The following ATP11C variants were observed in gnomAD, a reference collection of about 807,000 sequenced individuals.
ATP11C encodes phospholipid-transporting ATPase IG.
ATP11C carries 36 observed loss-of-function variants against 97.4 expected under a neutral mutation model. The ratio of observed to expected loss-of-function variants is 0.37; its 90% CI spans 0.28 to 0.49. ATP11C has a LOEUF of 0.49. Among genes scored for constraint, ATP11C ranks in the 20% least tolerant of loss-of-function variants. The pLI is 0.98. For synonymous variants in ATP11C, 275 were observed against 290.9 expected (o/e 0.95, Z 0.56); for missense variants, 730 against 824.6 (o/e 0.89, Z 1.40).
chrX:139,931,978 C>T, intron 1 of ATP11C, 38 bp downstream of exon 1: 1 of 1,150,373 alleles, frequency 8.7e-7, no homozygotes, highest in South Asian at 2.0e-5. Flanking sequence ...GGCGAGCAAG[C>T]AAACCGGCAC....
chrX:139,825,138 A>G (rs1157123298), intron 2 of ATP11C, among the ~76,000 whole-genome samples: 2 of 111,221 alleles, frequency 1.8e-5, no homozygotes, highest in South Asian at 3.8e-4. Flanking sequence ...CACAAATAAC[A>G]ATAGCAGCTA....
At chrX:139,897,930 T>C (rs1389273094) in intron 1 of ATP11C, among the ~76,000 whole-genome samples, 2 of 99,795 alleles carry the variant, frequency 2.0e-5, no homozygotes, top group African/African-American at 7.3e-5. Context: ...AAACCCTGTG[T>C]CAAAAAAAAA....
intron 2 of ATP11C, among the ~76,000 whole-genome samples, chrX:139,823,335 AGTT>A (rs1336167734): frequency 8.9e-6 from 1 of 112,721 alleles, no homozygotes; most frequent in East Asian, 2.8e-4. Flanking sequence ...TATGTGAAAA[AGTT>A]GTGGGTCACT....
chrX:139,781,793 G>A (rs2082464112), intron 18 of ATP11C, among the ~76,000 whole-genome samples: 1 of 111,619 alleles, frequency 9.0e-6, no homozygotes, highest in African/African-American at 3.3e-5. Context: ...TGTTGAACCA[G>A]GTTAGATTAA....
At chrX:139,805,788 G>A (rs997062717) in intron 5 of ATP11C, among the ~76,000 whole-genome samples, 6 of 111,725 alleles carry the variant, frequency 5.4e-5, no homozygotes, top group East Asian at 2.8e-4. Context: ...AATATGATTC[G>A]GCAGATAAAG....
At position 139,731,706 on chromosome X, in the gene ATP11C, G is replaced by A; in HGVS notation, c.3338C>T (p.Ser1113Leu). ...TGTTCGTAAAAGAAGAGGTCTGACT[G>A]AAGGTCTGGCGGATAATGAGTCAGA... ...RASDSLSARP[S>L]VRPLLLRTFS... is the part of the protein sequence containing the mutation. The change falls in exon 29 of 30, where the codon TCA (serine) becomes TTA (leucine). Residue 1113 changes from serine to leucine, a missense_variant. Transcript: ENST00000682941. 1 of 1,197,552 alleles carries A rather than the reference G, an allele frequency of 8.4e-7. No individual in the cohort carries two copies. The highest frequency in any genetic ancestry group is 1.1e-6 in the Non-Finnish European group (1 of 886,400).
chrX:139,804,654 C>T (rs1315530968), intron 5 of ATP11C, 55 bp from the exon 6 acceptor site: 2 of 1,013,353 alleles, frequency 2.0e-6, no homozygotes, highest in African/African-American at 3.8e-5. Flanking sequence ...GCATTCATTA[C>T]ACTCATACAA....
chrX:139,827,785 A>G (rs1247396620), intron 1 of ATP11C, among the ~76,000 whole-genome samples: 1 of 111,594 alleles, frequency 9.0e-6, no homozygotes, highest in Non-Finnish European at 1.9e-5. Context: ...TGATCTATTT[A>G]AAGGTCAAAG....
At chrX:139,757,710 T>G (rs2081964679) in intron 23 of ATP11C, 98 bp downstream of exon 23, 2 of 529,824 alleles carry the variant, frequency 3.8e-6, no homozygotes, top group Non-Finnish European at 5.7e-6. Context: ...CATTTTACTT[T>G]GTACATACAT....
At chrX:139,799,917 G>A in intron 8 of ATP11C, 143 bp downstream of exon 8, 1 of 506,936 alleles carries the variant, frequency 2.0e-6, no homozygotes, top group Non-Finnish European at 3.3e-6. Flanking sequence ...CTCCCAAAGT[G>A]CTGGGATTAC....
chrX:139,795,091 T>C (rs1002024214), intron 12 of ATP11C, among the ~76,000 whole-genome samples: 18 of 112,203 alleles, frequency 1.6e-4, no homozygotes, highest in African/African-American at 5.8e-4. Flanking sequence ...TGAAAACTTC[T>C]GGCCTAAAAG....
Position 139,919,542 on chromosome X carries a change from C to T in ATP11C, c.27+12474G>A, listed in dbSNP as rs183091457. On this transcript the variant is annotated intron_variant, in intron 1 of 29. Coordinates refer to ENST00000682941, the MANE Select transcript of ATP11C (RefSeq NM_001353812.2). ...AACTGAAGAAAGCAGTTTGGTAGTTCCTGAAAAGTTTAAACATACAATTAC... is the reference window on the plus strand; with the variant it reads ...AACTGAAGAAAGCAGTTTGGTAGTTTCTGAAAAGTTTAAACATACAATTAC... Among the ~76,000 whole-genome samples, 607 of 109,300 alleles carry T rather than the reference C, an allele frequency of 5.6e-3. 11 individuals carry two copies. Among genetic ancestry groups the T allele is most frequent in the African/African-American group, 0.019 (558 of 29,941 alleles). The allele number at this position is 109,300 out of a possible 115,157, so 94.9% of individuals were successfully genotyped here.
At chrX:139,892,769 G>A (rs1162298699) in intron 1 of ATP11C, among the ~76,000 whole-genome samples, 2 of 111,360 alleles carry the variant, frequency 1.8e-5, no homozygotes, top group Admixed American at 1.9e-4. Flanking sequence ...AGCAGTCTGA[G>A]GTTCCCAAAA....
chrX:139,784,526 C>CCA (rs2082532770), intron 16 of ATP11C, among the ~76,000 whole-genome samples: 1 of 111,045 alleles, frequency 9.0e-6, no homozygotes, highest in African/African-American at 3.3e-5. Context: ...CCTCGGCACA[C>CCA]CACACACACA....
At chrX:139,822,463 G>C (rs2083433542) in intron 2 of ATP11C, among the ~76,000 whole-genome samples, 1 of 111,082 alleles carries the variant, frequency 9.0e-6, no homozygotes, top group Non-Finnish European at 1.9e-5. Context: ...ACCCAAGCTA[G>C]AGTGCAGTGG....
At chrX:139,882,416 A>G (rs372451178) in intron 1 of ATP11C, among the ~76,000 whole-genome samples, 2 of 111,574 alleles carry the variant, frequency 1.8e-5, no homozygotes, top group African/African-American at 6.5e-5. Context: ...ACAACTGATT[A>G]AGGACCCCAT....
At chrX:139,835,830 T>A (rs982844009) in intron 1 of ATP11C, among the ~76,000 whole-genome samples, 1 of 103,400 alleles carries the variant, frequency 9.7e-6, no homozygotes, top group Non-Finnish European at 2.0e-5. Context: ...AGTTTGAGAC[T>A]AGCCTGGCCA....
chrX:139,744,454 T>C (rs781678731), intron 25 of ATP11C, among the ~76,000 whole-genome samples: 3 of 112,020 alleles, frequency 2.7e-5, no homozygotes, highest in Non-Finnish European at 3.8e-5. Flanking sequence ...AGACGCTGAA[T>C]TGATGCTCTC....
chrX:139,797,066 G>A (rs769537482), intron 11 of ATP11C, 110 bp downstream of exon 11: 8 of 632,063 alleles, frequency 1.3e-5, no homozygotes, highest in Admixed American at 3.7e-5. Flanking sequence ...CCATGTAATC[G>A]AGAGAAAATT....
Sources: allele counts gnomAD v4.1 joint callset (sites outside exome capture counted in the v4.1 genomes callset), GRCh38; gene constraint gnomAD v4.1.1; transcripts MANE v1.5; gene names NCBI Gene and HGNC (gene_info 2026-07-23, HGNC 2026-07-21).